Variants in NDUFB3 observed in about 807,000 individuals in gnomAD.
NDUFB3 encodes NADH dehydrogenase [ubiquinone] 1 beta subcomplex subunit 3.
Under a neutral mutation model 9.0 loss-of-function variants are expected in NDUFB3, and 7 were observed. That is an observed-to-expected ratio of 0.78 (90% CI 0.44 to 1.46). The LOEUF is 1.46. NDUFB3 is among the 40% of genes most tolerant of loss of function. The pLI, the probability that NDUFB3 is intolerant of heterozygous loss-of-function variation, is 0.01. For missense variants in NDUFB3, 93 were observed against 115.4 expected, an observed-to-expected ratio of 0.81 and a Z score of 0.89; for synonymous variants, 29 against 38.5, an observed-to-expected ratio of 0.75 and a Z score of 0.91.
At chr2:201,073,529 G>T (rs1368936806) in intron 1 of NDUFB3, among the ~76,000 whole-genome samples, 1 of 152,124 alleles carries the variant, frequency 6.6e-6, no homozygotes, top group Non-Finnish European at 1.5e-5. Context: ...AACACTTTGG[G>T]TGGCCGAGGC....
chr2:201,085,408 A>G (rs752719953), intron 2 of NDUFB3, 51 bp from the exon 3 acceptor site: 26 of 1,408,034 alleles, frequency 1.8e-5, no homozygotes, highest in South Asian at 4.1e-5. Flanking sequence ...TCTTCAACGT[A>G]TATACACACA....
intron 1 of NDUFB3, among the ~76,000 whole-genome samples, chr2:201,076,750 T>G (rs1033977348): frequency 6.6e-6 from 1 of 151,124 alleles, no homozygotes; most frequent in African/African-American, 2.4e-5. Flanking sequence ...CTCCCAATAA[T>G]GTGTCTTTAA....
intron 2 of NDUFB3, among the ~76,000 whole-genome samples, chr2:201,081,628 T>C (rs1026596361): frequency 2.0e-5 from 3 of 152,040 alleles, no homozygotes; most frequent in Admixed American, 6.6e-5. Flanking sequence ...AAATTTATAC[T>C]GAATTAATTA....
intron 1 of NDUFB3, among the ~76,000 whole-genome samples, chr2:201,077,484 C>G (rs1460627535): frequency 1.3e-5 from 2 of 152,168 alleles, no homozygotes; most frequent in Non-Finnish European, 1.5e-5. Flanking sequence ...CCTAAGGTAT[C>G]TGTTGGCCCA....
rs746215460 is a variant in NDUFB3, at chr2:201,085,442, T to C, written c.141-17T>C. 6.4e-7 allele frequency: 1 copy of C among 1,558,868 alleles called. No homozygotes were observed. The highest frequency in any genetic ancestry group is 8.7e-7 in the Non-Finnish European group (1 of 1,148,250). ...CACGTTGTGTATGATTATAATTTTT[T>C]CTTTTTTTTTTTCTAGCAATGAAGC... On this transcript the variant is annotated splice_polypyrimidine_tract_variant and intron_variant, in intron 2 of 2. Transcript: ENST00000237889.
intron 2 of NDUFB3, among the ~76,000 whole-genome samples, chr2:201,083,351 C>CTTTTTTTTT (rs748310803): frequency 8.3e-6 from 1 of 119,972 alleles, no homozygotes; most frequent in Non-Finnish European, 1.7e-5. Flanking sequence ...TTTATTATTT[C>CTTTTTTTTT]TTTTTTTTTT....
At chr2:201,074,592 G>C (rs2125530865) in intron 1 of NDUFB3, among the ~76,000 whole-genome samples, 1 of 152,090 alleles carries the variant, frequency 6.6e-6, no homozygotes, top group African/African-American at 2.4e-5. Flanking sequence ...GAGTAGCTGG[G>C]ACTACAGGTG....
chr2:201,078,540 G>A (rs1012908790), intron 1 of NDUFB3, among the ~76,000 whole-genome samples: 1 of 152,154 alleles, frequency 6.6e-6, no homozygotes, highest in Non-Finnish European at 1.5e-5. Context: ...TTTATAAAGA[G>A]TTGTTTTAGA....
chr2:201,085,475 TAC>T lies in NDUFB3; in HGVS notation c.159_160del (p.Met54GlyfsTer11). 2.5e-6 allele frequency: 4 copies of T among 1,606,118 alleles called. No homozygotes were observed. Among genetic ancestry groups the T allele is most frequent in the Non-Finnish European group, 3.4e-6 (4 of 1,176,640 alleles). On this transcript the variant is annotated frameshift_variant, in exon 3 of 3. Transcript: ENST00000237889. LOFTEE classifies it high-confidence loss of function. ...DPWGRNEAWRYMGGFAKSVSF... is the reference protein window; with the variant it reads ...DPWGRNEAWRXMGGFAKSVSF... ...TTTTTCTAGCAATGAAGCTTGGAGA[TAC>T]ATGGGTGGCTTTGCAAAGAGTGTTT...
chr2:201,077,544 C>G (rs1229791726), intron 1 of NDUFB3, among the ~76,000 whole-genome samples: 1 of 152,172 alleles, frequency 6.6e-6, no homozygotes, highest in Non-Finnish European at 1.5e-5. Flanking sequence ...AGCCCAGTGC[C>G]TGTTTTTGTA....
intron 2 of NDUFB3, 36 bp downstream of exon 2, chr2:201,079,058 C>G (rs765393281): frequency 3.2e-6 from 5 of 1,575,818 alleles, no homozygotes; most frequent in Middle Eastern, 1.7e-4. Flanking sequence ...AGAATGTATC[C>G]TAGAGAATCA....
At chr2:201,075,266 C>T (rs1019596900) in intron 1 of NDUFB3, among the ~76,000 whole-genome samples, 4 of 151,392 alleles carry the variant, frequency 2.6e-5, no homozygotes, top group Non-Finnish European at 5.9e-5. Flanking sequence ...TTTGAAAAGT[C>T]ATTTATATGT....
intron 2 of NDUFB3, among the ~76,000 whole-genome samples, chr2:201,083,351 C>CT (rs748310803): frequency 0.032 from 3,816 of 119,964 alleles, 89 homozygotes; most frequent in East Asian, 0.063. Context: ...TTTATTATTT[C>CT]TTTTTTTTTT....
intron 2 of NDUFB3, among the ~76,000 whole-genome samples, chr2:201,080,792 C>T (rs940852974): frequency 6.7e-6 from 1 of 150,306 alleles, no homozygotes; most frequent in Non-Finnish European, 1.5e-5. Flanking sequence ...CCAGCTCCAC[C>T]TCCCGGGTTC....
chr2:201,082,266 T>C (rs1236473596), intron 2 of NDUFB3, among the ~76,000 whole-genome samples: 1 of 151,674 alleles, frequency 6.6e-6, no homozygotes, highest in African/African-American at 2.4e-5. Context: ...GTTTGTTTGT[T>C]TGTTTGTTTG....
chr2:201,085,167 T>C (rs992077096), intron 2 of NDUFB3, among the ~76,000 whole-genome samples: 1 of 152,242 alleles, frequency 6.6e-6, no homozygotes, highest in African/African-American at 2.4e-5. Context: ...AGAGCCCATC[T>C]GACCTGTGAC....
At chr2:201,077,595 G>C (rs1372020910) in intron 1 of NDUFB3, among the ~76,000 whole-genome samples, 1 of 152,178 alleles carries the variant, frequency 6.6e-6, no homozygotes, top group Non-Finnish European at 1.5e-5. Flanking sequence ...ATGAACATTT[G>C]TAATGACTTT....
chr2:201,073,937 A>C (rs1434478383), intron 1 of NDUFB3, among the ~76,000 whole-genome samples: 2 of 152,144 alleles, frequency 1.3e-5, no homozygotes, highest in East Asian at 3.9e-4. Context: ...TTCCAAAGAC[A>C]CTTTTATTTA....
At chr2:201,076,484 A>AATATATATATATATATATATATATATAT (rs561737388) in intron 1 of NDUFB3, among the ~76,000 whole-genome samples, 28 of 120,078 alleles carry the variant, frequency 2.3e-4, no homozygotes, top group African/African-American at 6.6e-4. Flanking sequence ...TCTATCTTTA[A>AATATATATATATATATATATATATATAT]ATATATATAT....
Sources: allele counts gnomAD v4.1 joint callset (sites outside exome capture counted in the v4.1 genomes callset), GRCh38; gene constraint gnomAD v4.1.1; transcripts MANE v1.5; gene names NCBI Gene and HGNC (gene_info 2026-07-23, HGNC 2026-07-21).